The following C17orf67 variants were observed in gnomAD, a reference collection of about 807,000 sequenced individuals.
C17orf67 encodes chromosome 17 open reading frame 67.
Under a neutral mutation model 11.2 loss-of-function variants are expected in C17orf67, and 12 were observed. That is an observed-to-expected ratio of 1.07 (90% CI 0.68 to 1.73). The LOEUF (loss-of-function observed/expected upper bound fraction) is 1.73. Ranked by LOEUF, C17orf67 falls within the 40% of genes most tolerant of loss-of-function variation. The probability of loss-of-function intolerance (pLI) is 0.00; values close to 1 mark genes in which losing one functional copy is unlikely to be tolerated. For missense variants in C17orf67, 115 were observed against 113.5 expected (o/e 1.01, Z -0.06); for synonymous variants, 59 against 46.9 (o/e 1.26, Z -1.05).
At chr17:56,802,251 G>A (rs1174969033) in intron 6 of C17orf67, among the ~76,000 whole-genome samples, 3 of 152,162 alleles carry the variant, frequency 2.0e-5, no homozygotes, top group African/African-American at 4.8e-5. Context: ...ACACCAGAAC[G>A]GATTAGAAGG....
intron 4 of C17orf67, 143 bp from the exon 5 acceptor site, chr17:56,816,153 C>T (rs991558734): frequency 1.2e-5 from 3 of 240,610 alleles, no homozygotes; most frequent in Non-Finnish European, 2.5e-5. Context: ...TCCATTTATG[C>T]TCCTGTTTCA....
intron 6 of C17orf67, among the ~76,000 whole-genome samples, chr17:56,795,776 T>C (rs1905200884): frequency 6.6e-6 from 1 of 152,190 alleles, no homozygotes; most frequent in Non-Finnish European, 1.5e-5. Flanking sequence ...GGAGAATGAA[T>C]CAATAAATTA....
At chr17:56,805,629 G>C (rs980635616) in intron 6 of C17orf67, among the ~76,000 whole-genome samples, 1 of 152,028 alleles carries the variant, frequency 6.6e-6, no homozygotes, top group Non-Finnish European at 1.5e-5. Flanking sequence ...TATACTAAAA[G>C]CTTTAAAAAT....
intron 4 of C17orf67, among the ~76,000 whole-genome samples, chr17:56,818,745 A>G (rs955267664): frequency 2.6e-5 from 4 of 152,202 alleles, no homozygotes; most frequent in Non-Finnish European, 4.4e-5. Flanking sequence ...CAAGTTGTCA[A>G]TGAGAGATTT....
chr17:56,825,746 A>G (rs373411528), intron 2 of C17orf67, among the ~76,000 whole-genome samples: 1 of 152,224 alleles, frequency 6.6e-6, no homozygotes, highest in Non-Finnish European at 1.5e-5. Context: ...GTAATGCTAA[A>G]TAAGAGCCAG....
chr17:56,831,300 G>A (rs1002422299), intron 2 of C17orf67, among the ~76,000 whole-genome samples: 3 of 152,142 alleles, frequency 2.0e-5, no homozygotes, highest in African/African-American at 7.2e-5. Flanking sequence ...GAGAAAAGGG[G>A]AGTCAGGATG....
At chr17:56,832,549 G>C (rs971987651) in intron 2 of C17orf67, among the ~76,000 whole-genome samples, 1 of 152,150 alleles carries the variant, frequency 6.6e-6, no homozygotes, top group East Asian at 1.9e-4. Flanking sequence ...CTATCTCCCA[G>C]TTACTGTGGG....
chr17:56,811,675 T>C (rs1488413630), intron 6 of C17orf67, among the ~76,000 whole-genome samples: 1 of 152,214 alleles, frequency 6.6e-6, no homozygotes, highest in Non-Finnish European at 1.5e-5. Flanking sequence ...GAAGAATGTC[T>C]GGTTTATCTT....
At chr17:56,803,689 G>A (rs940945257) in intron 6 of C17orf67, among the ~76,000 whole-genome samples, 2 of 152,170 alleles carry the variant, frequency 1.3e-5, no homozygotes, top group Non-Finnish European at 2.9e-5. Context: ...ATCTGTGTCA[G>A]TCTGCTCATT....
At chr17:56,797,680 C>T (rs1181086312) in intron 6 of C17orf67, among the ~76,000 whole-genome samples, 2 of 152,162 alleles carry the variant, frequency 1.3e-5, no homozygotes, top group Non-Finnish European at 2.9e-5. Context: ...TGCAGCTCAT[C>T]AGCCTCTGAA....
intron 4 of C17orf67, among the ~76,000 whole-genome samples, chr17:56,819,891 G>A (rs1905857314): frequency 6.6e-6 from 1 of 152,190 alleles, no homozygotes; most frequent in Non-Finnish European, 1.5e-5. Flanking sequence ...AAGATCAGGG[G>A]AAAGAGCTCA....
At chr17:56,830,066 G>A (rs368876102) in intron 2 of C17orf67, among the ~76,000 whole-genome samples, 6 of 152,056 alleles carry the variant, frequency 3.9e-5, no homozygotes, top group South Asian at 4.2e-4. Flanking sequence ...AAATTTGGCC[G>A]GGCGTGGTGG....
chr17:56,794,974 TC>T, intron 7 of C17orf67, 69 bp downstream of exon 7: 1 of 1,154,954 alleles, frequency 8.7e-7, no homozygotes, highest in Non-Finnish European at 1.3e-6. Context: ...CTGGAAAGTC[TC>T]CCAGCCCATG....
chr17:56,802,555 C>A (rs929338348), intron 6 of C17orf67, among the ~76,000 whole-genome samples: 10 of 152,154 alleles, frequency 6.6e-5, no homozygotes, highest in African/African-American at 2.4e-4. Flanking sequence ...CTTAATCCTG[C>A]CCACGCCTTT....
At chr17:56,831,705 G>T (rs1006372331) in intron 2 of C17orf67, among the ~76,000 whole-genome samples, 1 of 152,112 alleles carries the variant, frequency 6.6e-6, no homozygotes, top group Non-Finnish European at 1.5e-5. Flanking sequence ...CCCATTAGGG[G>T]ACTTGAGTTG....
At chr17:56,813,136 G>A (rs767810207) in intron 6 of C17orf67, among the ~76,000 whole-genome samples, 5 of 152,120 alleles carry the variant, frequency 3.3e-5, no homozygotes, top group Non-Finnish European at 7.4e-5. Context: ...AGCCCCTGCC[G>A]GGTCCCTGAG....
chr17:56,819,117 C>A (rs1044772365), intron 4 of C17orf67, among the ~76,000 whole-genome samples: 3 of 152,178 alleles, frequency 2.0e-5, no homozygotes, highest in Non-Finnish European at 4.4e-5. Flanking sequence ...ACAACAGGAC[C>A]CTGTGTTTTT....
intron 4 of C17orf67, among the ~76,000 whole-genome samples, chr17:56,821,841 T>C (rs1905911890): frequency 6.6e-6 from 1 of 152,218 alleles, no homozygotes; most frequent in Admixed American, 6.5e-5. Flanking sequence ...ATGACTTGTT[T>C]TGGGCAGTGG....
At chr17:56,816,390 T>C (rs1458779395) in intron 4 of C17orf67, among the ~76,000 whole-genome samples, 1 of 152,168 alleles carries the variant, frequency 6.6e-6, no homozygotes, top group Non-Finnish European at 1.5e-5. Flanking sequence ...GGTAAGTGAC[T>C]TACCCTTTCT....
Sources: allele counts gnomAD v4.1 joint callset (sites outside exome capture counted in the v4.1 genomes callset), GRCh38; gene constraint gnomAD v4.1.1; transcripts MANE v1.5; gene names NCBI Gene and HGNC (gene_info 2026-07-23, HGNC 2026-07-21).